Variants in CRYM observed in about 807,000 individuals in gnomAD.
CRYM encodes ketimine reductase mu-crystallin.
Under a neutral mutation model 32.9 loss-of-function variants are expected in CRYM, and 18 were observed. That is an observed-to-expected ratio of 0.55 (90% CI 0.38 to 0.81). CRYM has a LOEUF of 0.81. CRYM is among the 30% of genes least tolerant of loss of function. The pLI is 0.00. For synonymous variants in CRYM, 153 were observed against 152.4 expected (o/e 1.00, Z -0.03); for missense variants, 337 against 393.5 (o/e 0.86, Z 1.21).
chr16:21,287,897 G>A (rs564710885), intron 1 of CRYM, among the ~76,000 whole-genome samples: 2 of 152,340 alleles, frequency 1.3e-5, no homozygotes, highest in African/African-American at 4.8e-5. Context: ...AGGAACAATT[G>A]TGGGAGTCCT....
intron 1 of CRYM, among the ~76,000 whole-genome samples, chr16:21,289,297 A>G (rs1186837819): frequency 6.6e-6 from 1 of 152,172 alleles, no homozygotes; most frequent in Non-Finnish European, 1.5e-5. Context: ...TATCTTCTTC[A>G]TGAATTAACC....
chr16:21,262,130 T>C lies in CRYM; in HGVS notation c.702A>G (p.Arg234=). 2 of 1,614,028 alleles carry C rather than the reference T, an allele frequency of 1.2e-6. No individual in the cohort carries two copies. Among genetic ancestry groups the C allele is most frequent in the Non-Finnish European group, 1.7e-6 (2 of 1,179,992 alleles). Residue 234 remains arginine, a synonymous_variant, in exon 6 of 8, where the codon AGA becomes AGG. Transcript: ENST00000572914. ...CTTTCATGAGCTCATCATCCAGTTC[T>C]CTCCAGTCAGGTCTGCTGGCTCCAA... is the stretch of plus-strand genomic sequence containing the variant. ...NAVGASRPDW[R]ELDDELMKEA...
Position 21,278,206 on chromosome 16 carries a change from G to A in CRYM, c.46C>T (p.His16Tyr). ...AFLSAAEVEEHLRSSSLLIPP... is the reference protein window; with the variant it reads ...AFLSAAEVEEYLRSSSLLIPP... The stretch of plus-strand genomic sequence containing the variant: ...ATGAGGAGGCTGGAGCTGCGGAGGT[G>A]TTCCTCCACCTCGGCCGCGCTCAGG... Residue 16 changes from histidine to tyrosine, a missense_variant, in exon 1 of 8, where the codon CAC becomes TAC. Physicochemically the swap from His to Tyr is moderately conservative, Grantham distance 83 (BLOSUM62 2). Transcript: ENST00000572914. 4 of 1,561,498 alleles carry A rather than the reference G, an allele frequency of 2.6e-6. No individual in the cohort carries two copies. In the East Asian group the frequency reaches 9.7e-5, roughly 38 times the overall value.
At chr16:21,293,922 A>C (rs1321337018) in intron 1 of CRYM, among the ~76,000 whole-genome samples, 2 of 152,220 alleles carry the variant, frequency 1.3e-5, no homozygotes, top group African/African-American at 4.8e-5. Context: ...ATTGATGAAA[A>C]TTCCTGTCCC....
rs1385271737 is a variant in CRYM at position 21,277,248 on chromosome 16, C to T, written c.324+183G>A. 3.9e-5 allele frequency among the ~76,000 whole-genome samples: 6 copies of T among 152,172 alleles called. No individual in the cohort carries two copies. The highest frequency in any genetic ancestry group is 1.3e-4 in the Admixed American group (2 of 15,280). Reference sequence around the variant, plus strand: ...TGGGCGCTGGTGCCGTGTTATGCATCCTCAGGCAGTCCTAGAAATAGATAC... The same window carrying T: ...TGGGCGCTGGTGCCGTGTTATGCATTCTCAGGCAGTCCTAGAAATAGATAC... On this transcript the variant is annotated intron_variant, in intron 2 of 7. Transcript: ENST00000572914. The surrounding 1 kb of genome is among the most constrained non-coding windows in gnomAD (Gnocchi z 4.2).
At chr16:21,294,539 T>A (rs1425845437) in intron 1 of CRYM, among the ~76,000 whole-genome samples, 1 of 151,928 alleles carries the variant, frequency 6.6e-6, no homozygotes, top group South Asian at 2.1e-4. Context: ...TGTCTGATGT[T>A]CCCCTCCCTG....
At chr16:21,265,706 C>T (rs146044087) in intron 5 of CRYM, among the ~76,000 whole-genome samples, 84 of 152,332 alleles carry the variant, frequency 5.5e-4, no homozygotes, top group Non-Finnish European at 1.0e-3. Flanking sequence ...TGGCTCTCGC[C>T]GGCTCATCTG....
At chr16:21,281,053 C>G (rs1026279906), upstream of CRYM, among the ~76,000 whole-genome samples, 1 of 150,930 alleles carries the variant, frequency 6.6e-6, no homozygotes, top group Admixed American at 6.7e-5. Context: ...TGCAGTGAGC[C>G]GAGATCGTGC....
At chr16:21,292,505 T>A (rs1567241208) in intron 1 of CRYM, among the ~76,000 whole-genome samples, 2 of 152,156 alleles carry the variant, frequency 1.3e-5, no homozygotes, top group African/African-American at 2.4e-5. Context: ...CCAAATTGAT[T>A]TATACGCTCA....
intron 1 of CRYM, among the ~76,000 whole-genome samples, chr16:21,295,881 G>A (rs759919671): frequency 6.6e-6 from 1 of 151,762 alleles, no homozygotes; most frequent in Non-Finnish European, 1.5e-5. Flanking sequence ...GCAGTGAGCC[G>A]AGATCATGCC....
intron 1 of CRYM, among the ~76,000 whole-genome samples, chr16:21,285,991 A>G (rs1275307792): frequency 2.0e-5 from 3 of 149,960 alleles, no homozygotes; most frequent in Non-Finnish European, 4.4e-5. Context: ...TGAATGCATC[A>G]GGTTTTTTAT....
intron 5 of CRYM, among the ~76,000 whole-genome samples, chr16:21,266,398 G>T (rs762136165): frequency 9.2e-5 from 14 of 151,938 alleles, no homozygotes; most frequent in Non-Finnish European, 1.8e-4. Context: ...AATATACAAA[G>T]AATTATACAA....
intron 1 of CRYM, among the ~76,000 whole-genome samples, chr16:21,292,159 T>C (rs1223086167): frequency 2.0e-5 from 3 of 152,054 alleles, no homozygotes; most frequent in Non-Finnish European, 2.9e-5. Flanking sequence ...GTAATCAAAC[T>C]GTGAATTATT....
chr16:21,269,766 T>TTCCACCCCCCCC, intron 4 of CRYM, 24 bp downstream of exon 4: 1 of 690,474 alleles, frequency 1.4e-6, no homozygotes, highest in Admixed American at 2.0e-5. Context: ...CCCTCTTCTC[T>TTCCACCCCCCCC]CCCACCCCCA....
chr16:21,260,198 T>C (rs2093351747), intron 7 of CRYM, among the ~76,000 whole-genome samples: 1 of 152,190 alleles, frequency 6.6e-6, no homozygotes, highest in African/African-American at 2.4e-5. Flanking sequence ...TGGAAGGTCA[T>C]GAGAGGGGGA....
intron 1 of CRYM, among the ~76,000 whole-genome samples, chr16:21,295,522 GA>G (rs1567242330): frequency 1.3e-5 from 2 of 152,088 alleles, no homozygotes; most frequent in African/African-American, 4.8e-5. Context: ...TGGGGTTTTG[GA>G]ATAGGTAGTT....
At chr16:21,287,895 T>A (rs370027637) in intron 1 of CRYM, among the ~76,000 whole-genome samples, 1 of 152,214 alleles carries the variant, frequency 6.6e-6, no homozygotes, top group East Asian at 1.9e-4. Context: ...AGAGGAACAA[T>A]TGTGGGAGTC....
In CRYM at chr16:21,273,798, A is replaced by T. The variant is rs2093380771; in HGVS notation, c.387+1734T>A. 3.3e-5 allele frequency among the ~76,000 whole-genome samples: 5 copies of T among 152,226 alleles called. 1 individual carries two copies. In the South Asian group the frequency reaches 1.0e-3, roughly 31 times the overall value. On this transcript the variant is annotated intron_variant, in intron 3 of 7. Coordinates refer to ENST00000572914, the MANE Select transcript of CRYM (RefSeq NM_001376256.1). ...AGACAAGGGGCTGGAAATGAGTTTG[A>T]AAAAGACTAAAGCTCTTTGCAAATG...
chr16:21,292,457 G>C (rs1960682213), intron 1 of CRYM, among the ~76,000 whole-genome samples: 1 of 152,068 alleles, frequency 6.6e-6, no homozygotes, highest in Non-Finnish European at 1.5e-5. Flanking sequence ...CTTATTCATG[G>C]ATCAGAAGAC....
Sources: gnomAD v4.1 joint callset for allele counts (sites outside exome capture counted in the v4.1 genomes callset) on GRCh38, gnomAD v4.1.1 for gene constraint, Gnocchi (gnomAD v3.1) non-coding constraint, MANE v1.5 for transcripts, NCBI Gene and HGNC (gene_info 2026-07-23, HGNC 2026-07-21) for gene names.